CHIC2: variants seen among roughly 807,000 people sequenced by gnomAD.
CHIC2 encodes cysteine rich hydrophobic domain 2.
In CHIC2, 14 loss-of-function variants were observed where a neutral mutation model predicts 25.9. The observed-to-expected ratio is 0.54, with a 90% CI of 0.36 to 0.85. CHIC2 has a LOEUF of 0.85. CHIC2 is among the 40% of genes least tolerant of loss of function. CHIC2 has a pLI of 0.01. For synonymous variants in CHIC2, 70 were observed against 72.0 expected (o/e 0.97, Z 0.14); for missense variants, 146 against 202.0 (o/e 0.72, Z 1.68).
intron 3 of CHIC2, among the ~76,000 whole-genome samples, chr4:54,038,788 G>A (rs1214323984): frequency 4.6e-5 from 7 of 152,162 alleles, no homozygotes; most frequent in Middle Eastern, 3.4e-3. Context: ...TTGGGAGGCC[G>A]AGATGAGAGA....
At chr4:54,024,712 C>A (rs1716003453) in intron 3 of CHIC2, among the ~76,000 whole-genome samples, 1 of 152,152 alleles carries the variant, frequency 6.6e-6, no homozygotes, top group Non-Finnish European at 1.5e-5. Flanking sequence ...GCCAACCAAG[C>A]AAGTAATTAT....
chr4:54,043,425 A>C (rs1716655248), intron 3 of CHIC2, among the ~76,000 whole-genome samples: 2 of 151,364 alleles, frequency 1.3e-5, no homozygotes, highest in Non-Finnish European at 3.0e-5. Flanking sequence ...CATTTCAAAA[A>C]AAAAAAAAAA....
At chr4:54,079,951 A>C in the CHIC2 span, among the ~76,000 whole-genome samples, 1 of 151,984 alleles carries the variant, frequency 6.6e-6, no homozygotes, top group African/African-American at 2.4e-5. Context: ...TCCTCAAAAA[A>C]TTAAAAATAG....
intron 3 of CHIC2, among the ~76,000 whole-genome samples, chr4:54,046,979 G>A (rs964205812): frequency 2.0e-5 from 3 of 152,156 alleles, no homozygotes; most frequent in Admixed American, 2.0e-4. Flanking sequence ...CCATCAAAAA[G>A]TGGGCAAAGG....
chr4:54,014,291 A>G (rs1324407539), intron 3 of CHIC2, among the ~76,000 whole-genome samples, 172 bp from the exon 4 acceptor site: 5 of 152,082 alleles, frequency 3.3e-5, no homozygotes, highest in Admixed American at 3.3e-4. Flanking sequence ...ACAAAAGAGT[A>G]CTCTTTCTTA....
At chr4:54,011,010 C>T (rs1441616476) in intron 5 of CHIC2, among the ~76,000 whole-genome samples, 2 of 152,050 alleles carry the variant, frequency 1.3e-5, no homozygotes, top group South Asian at 2.1e-4. Flanking sequence ...CTAATTTTTC[C>T]AAATTTGAAT....
At chr4:54,048,758 T>G (rs1716909853) in intron 3 of CHIC2, 197 bp downstream of exon 3, 1 of 421,736 alleles carries the variant, frequency 2.4e-6, no homozygotes, top group Non-Finnish European at 4.1e-6. Flanking sequence ...ATTATAAATA[T>G]AATTTTTAGA....
chr4:54,091,705 A>G, the CHIC2 span, among the ~76,000 whole-genome samples: 1 of 152,206 alleles, frequency 6.6e-6, no homozygotes, highest in Admixed American at 6.5e-5. Context: ...AAAAATAAAA[A>G]AGGAAAAGCA....
chr4:54,016,708 C>A (rs1715747963), intron 3 of CHIC2, among the ~76,000 whole-genome samples: 1 of 151,828 alleles, frequency 6.6e-6, no homozygotes, highest in South Asian at 2.1e-4. Flanking sequence ...CTTAATTAAT[C>A]ATTGCACTTG....
chr4:54,064,357 G>C lies in CHIC2; in HGVS notation c.-57C>G. On this transcript the variant is annotated 5_prime_UTR_variant, in exon 1 of 6. Transcript: ENST00000263921. This position sits in a 1 kb window ranked among gnomAD's most constrained non-coding sequence, Gnocchi z 4.2. ...CCTGACTCCCGGGGTTGGCGCCGGG[G>C]TACCGGCGGGCGAGGCGGCGGAGGC... 1.2e-6 allele frequency: 2 copies of C among 1,602,900 alleles called. No individual in the cohort carries two copies. Among genetic ancestry groups the C allele is most frequent in the South Asian group, 2.2e-5 (2 of 89,866 alleles).
intron 3 of CHIC2, among the ~76,000 whole-genome samples, chr4:54,030,693 G>GT (rs1324798703): frequency 7.2e-6 from 1 of 139,542 alleles, no homozygotes; most frequent in Non-Finnish European, 1.5e-5. Context: ...TTGAGATGAG[G>GT]TTTTGCTCTT....
upstream of CHIC2, chr4:54,065,163 A>C (rs1173314960): frequency 1.4e-5 from 4 of 291,756 alleles, no homozygotes; most frequent in African/African-American, 2.3e-5. Flanking sequence ...ATTTTTCAAG[A>C]CATCTCCAAA....
In CHIC2 at chr4:54,064,581, C is replaced by CGCA. The variant is rs1377894609; in HGVS notation, c.-284_-282dup. The CGCA allele has an allele frequency of 9.6e-6, 12 of 1,250,520 alleles. No homozygotes were observed. The East Asian group carries it at 2.0e-4, about 21-fold the overall frequency. 77.5% of individuals were successfully genotyped at this position (1,250,520 alleles called of 1,614,324 possible). ...CAAGCACAGACGCCGCTGCCGCCGC[C>CGCA]GCAGCAGCAGCAACTCAGGAAACCA... is the stretch of plus-strand genomic sequence containing the variant. On this transcript the variant is annotated 5_prime_UTR_variant, in exon 1 of 6. Transcript: ENST00000263921. This position sits in a 1 kb window ranked among gnomAD's most constrained non-coding sequence, Gnocchi z 4.2.
In CHIC2 at chr4:54,058,021, T is replaced by G. The variant is rs77057452; in HGVS notation, c.119+6161A>C. ...GAAGGTTCTCAAACTCCAACATACCTCAGGGCCACTAAGGCATCACTGTGT... is the reference window on the plus strand; with the variant it reads ...GAAGGTTCTCAAACTCCAACATACCGCAGGGCCACTAAGGCATCACTGTGT... On this transcript the variant is annotated intron_variant, in intron 1 of 5. Transcript: ENST00000263921. 8.6e-3 allele frequency among the ~76,000 whole-genome samples: 1,307 copies of G among 152,202 alleles called. 40 individuals are homozygous for G. The highest frequency in any genetic ancestry group is 0.053 in the Admixed American group (812 of 15,290).
At chr4:54,023,597 T>C (rs749069998) in intron 3 of CHIC2, among the ~76,000 whole-genome samples, 13 of 152,132 alleles carry the variant, frequency 8.5e-5, no homozygotes, top group Non-Finnish European at 1.8e-4. Flanking sequence ...TTCTTTCCTC[T>C]TCCCCATCCT....
At chr4:54,085,086 C>T in the CHIC2 span, among the ~76,000 whole-genome samples, 1 of 151,980 alleles carries the variant, frequency 6.6e-6, no homozygotes, top group African/African-American at 2.4e-5. Context: ...GCTATATTTT[C>T]CCCACTCACA....
In CHIC2 at chr4:54,064,549, A is replaced by T; in HGVS notation, c.-249T>A. On this transcript the variant is annotated 5_prime_UTR_variant, in exon 1 of 6. Coordinates refer to ENST00000263921, the MANE Select transcript of CHIC2 (RefSeq NM_012110.4). The surrounding 1 kb of genome is among the most constrained non-coding windows in gnomAD (Gnocchi z 4.2). ...TGTCAACATCCGCCCAGAGGCCGACACCTCCACAAGCACAGACGCCGCTGC... is the reference window on the plus strand; with the variant it reads ...TGTCAACATCCGCCCAGAGGCCGACTCCTCCACAAGCACAGACGCCGCTGC... The T allele has an allele frequency of 7.5e-7, 1 of 1,341,760 alleles. No individual in the cohort carries two copies. Among genetic ancestry groups the T allele is most frequent in the Non-Finnish European group, 9.5e-7 (1 of 1,050,122 alleles). The allele number at this position is 1,341,760 out of a possible 1,614,324, so 83.1% of individuals were successfully genotyped here.
upstream of CHIC2, chr4:54,065,258 A>C: frequency 1.0e-6 from 1 of 954,220 alleles, no homozygotes; most frequent in Non-Finnish European, 1.2e-6. Context: ...TTTTCTTACA[A>C]GAAATCTCAC....
intron 5 of CHIC2, among the ~76,000 whole-genome samples, chr4:54,010,630 AG>A (rs1715559690): frequency 6.6e-6 from 1 of 152,156 alleles, no homozygotes; most frequent in Admixed American, 6.6e-5. Context: ...GATCCAGAGA[AG>A]TTGTATCACA....
Sources: gnomAD v4.1 joint callset for allele counts (sites outside exome capture counted in the v4.1 genomes callset) on GRCh38, gnomAD v4.1.1 for gene constraint, Gnocchi (gnomAD v3.1) non-coding constraint, MANE v1.5 for transcripts, NCBI Gene and HGNC (gene_info 2026-07-23, HGNC 2026-07-21) for gene names.